LPCAT2: variants seen among roughly 807,000 people sequenced by gnomAD.
The protein encoded by LPCAT2 is lysophosphatidylcholine acyltransferase 2.
LPCAT2 carries 58 observed loss-of-function variants against 64.7 expected under a neutral mutation model. The ratio of observed to expected loss-of-function variants is 0.90; its 90% confidence interval spans 0.73 to 1.12. LPCAT2 has a LOEUF of 1.12. Among genes scored for constraint, LPCAT2 ranks in the 50% most tolerant of loss-of-function variants. The pLI is 0.00. For missense variants in LPCAT2, 579 were observed against 669.8 expected (o/e 0.86, Z 1.50); for synonymous variants, 252 against 245.3 (o/e 1.03, Z -0.26).
In LPCAT2 at chr16:55,581,117, C is replaced by G. The variant is rs183395586; in HGVS notation, c.1451-1797C>G. ...ACAGGACTTCCAGCAATGAGTTACTCTTTAATGCCACTGACATCCCAACAG... is the reference window on the plus strand; with the variant it reads ...ACAGGACTTCCAGCAATGAGTTACTGTTTAATGCCACTGACATCCCAACAG... On this transcript the variant is annotated intron_variant, in intron 13 of 13. Coordinates refer to ENST00000262134, the MANE Select transcript of LPCAT2 (RefSeq NM_017839.5). Among the ~76,000 whole-genome samples, 320 of 152,298 alleles carry G rather than the reference C, an allele frequency of 2.1e-3. 1 individual carries two copies. Among genetic ancestry groups the G allele is most frequent in the African/African-American group, 7.6e-3 (314 of 41,558 alleles).
intron 11 of LPCAT2, among the ~76,000 whole-genome samples, chr16:55,553,214 G>C (rs1316223436): frequency 2.0e-5 from 3 of 151,934 alleles, no homozygotes; most frequent in Non-Finnish European, 4.4e-5. Flanking sequence ...CTCCAGCTGG[G>C]CAACAAGAGC....
At chr16:55,567,489 A>G (rs1261606254) in intron 11 of LPCAT2, 2 of 1,613,050 alleles carry the variant, frequency 1.2e-6, no homozygotes, top group Admixed American at 1.7e-5. Flanking sequence ...GCTGCAGTTG[A>G]CCATGTATTC....
chr16:55,570,647 C>A (rs2142417238), intron 11 of LPCAT2, among the ~76,000 whole-genome samples: 1 of 152,062 alleles, frequency 6.6e-6, no homozygotes, highest in East Asian at 1.9e-4. Flanking sequence ...AAACAACTAC[C>A]CGTATAGTGG....
intron 11 of LPCAT2, among the ~76,000 whole-genome samples, chr16:55,568,414 GA>G (rs1963731868): frequency 6.6e-6 from 1 of 151,822 alleles, no homozygotes; most frequent in South Asian, 2.1e-4. Flanking sequence ...AGCAAACAAA[GA>G]AAAACAAAAA....
intron 4 of LPCAT2, 114 bp downstream of exon 4, chr16:55,530,061 A>G (rs2142380508): frequency 1.6e-6 from 1 of 643,958 alleles, no homozygotes; most frequent in East Asian, 2.9e-5. Context: ...TATACTAGGT[A>G]TTGTTAGCAT....
chr16:55,567,578 A>G, intron 11 of LPCAT2: 4 of 1,445,378 alleles, frequency 2.8e-6, no homozygotes. Flanking sequence ...ACAGTTGCTG[A>G]TACCCTGTGC....
In LPCAT2 at chr16:55,551,118, A is replaced by G. The variant is rs373187502; in HGVS notation, c.1215+16A>G. On this transcript the variant is annotated intron_variant, in intron 11 of 13. Coordinates refer to ENST00000262134, the MANE Select transcript of LPCAT2 (RefSeq NM_017839.5). ...CTTTGACAGGGTATGTTAAAATTTA[A>G]TCTTTCACATTTTTACTCTGTCAGT... The G allele has an allele frequency of 1.9e-5, 31 of 1,598,696 alleles. No homozygotes were observed. The highest frequency in any genetic ancestry group is 1.2e-4 in the Admixed American group (7 of 58,644).
At chr16:55,578,200 T>TCC (rs1466050063) in intron 12 of LPCAT2, among the ~76,000 whole-genome samples, 3 of 152,204 alleles carry the variant, frequency 2.0e-5, no homozygotes, top group African/African-American at 7.2e-5. Flanking sequence ...ACTTTGTGCA[T>TCC]TCTCTACAGA....
chr16:55,556,345 C>G (rs1963574400), intron 11 of LPCAT2, among the ~76,000 whole-genome samples: 1 of 152,128 alleles, frequency 6.6e-6, no homozygotes, highest in Non-Finnish European at 1.5e-5. Flanking sequence ...GGACATGAAA[C>G]AGGGACAAAG....
chr16:55,522,874 T>G (rs1172274783), intron 1 of LPCAT2, among the ~76,000 whole-genome samples: 1 of 151,544 alleles, frequency 6.6e-6, no homozygotes, highest in Non-Finnish European at 1.5e-5. Context: ...GAAAAAAATA[T>G]AGAATATCTT....
intron 1 of LPCAT2, among the ~76,000 whole-genome samples, chr16:55,511,669 A>G (rs1335138280): frequency 6.6e-6 from 1 of 152,242 alleles, no homozygotes; most frequent in African/African-American, 2.4e-5. Context: ...TAATTTGTCA[A>G]TGAGTTAACT....
chr16:55,511,943 T>G (rs1328391375), intron 1 of LPCAT2, among the ~76,000 whole-genome samples: 7 of 152,214 alleles, frequency 4.6e-5, no homozygotes, highest in African/African-American at 1.7e-4. Flanking sequence ...TCTCAGCCAG[T>G]GACCTACCAG....
intron 2 of LPCAT2, among the ~76,000 whole-genome samples, chr16:55,526,753 A>G (rs1343360104): frequency 6.6e-6 from 1 of 152,186 alleles, no homozygotes; most frequent in Non-Finnish European, 1.5e-5. Context: ...TGGCTTATGA[A>G]AACCTAGGAT....
rs58644341 is a variant in LPCAT2, at chr16:55,573,939, G to A, written c.1216-692G>A. Among the ~76,000 whole-genome samples, 881 of 152,210 alleles carry A rather than the reference G, an allele frequency of 5.8e-3. 10 individuals are homozygous for A. Among genetic ancestry groups the A allele is most frequent in the African/African-American group, 0.016 (675 of 41,546 alleles). On this transcript the variant is annotated intron_variant, in intron 11 of 13. Coordinates refer to ENST00000262134, the MANE Select transcript of LPCAT2 (RefSeq NM_017839.5). ...ACAGTTAATGTACAGGGAAAACTCT[G>A]TATTTAGTCAGCCTGAATTACAATA...
chr16:55,527,820 T>G (rs1309424590), intron 2 of LPCAT2, among the ~76,000 whole-genome samples: 1 of 152,224 alleles, frequency 6.6e-6, no homozygotes, highest in Non-Finnish European at 1.5e-5. Context: ...ATCTAAAAAC[T>G]GTAACAATAC....
intron 12 of LPCAT2, among the ~76,000 whole-genome samples, chr16:55,578,063 C>A (rs991864380): frequency 6.6e-6 from 1 of 152,134 alleles, no homozygotes. Flanking sequence ...GAACACACCC[C>A]CTTAGCTTCT....
intron 1 of LPCAT2, among the ~76,000 whole-genome samples, chr16:55,522,549 A>G (rs9922328): frequency 0.48 from 72,376 of 151,418 alleles, 17,993 homozygotes; most frequent in Non-Finnish European, 0.55. Flanking sequence ...AGAAGAATAT[A>G]TGGGCAGACA....
At chr16:55,569,311 G>A (rs981991274) in intron 11 of LPCAT2, among the ~76,000 whole-genome samples, 10 of 152,072 alleles carry the variant, frequency 6.6e-5, no homozygotes, top group African/African-American at 2.2e-4. Context: ...ATTTAACCTT[G>A]GTCTGGTGTG....
chr16:55,509,290 C>T lies in LPCAT2; in HGVS notation c.109C>T (p.Pro37Ser), dbSNP rs1962887160. Residue 37 changes from proline to serine, a missense_variant, in exon 1 of 14, where the codon CCG becomes TCG. Coordinates refer to ENST00000262134, the MANE Select transcript of LPCAT2 (RefSeq NM_017839.5). ...PMVPRQASFF[P>S]PPVPNPFVQQ... ...GGTGCCCCGTCAGGCGTCCTTCTTC[C>T]CGCCGCCGGTGCCGAACCCCTTCGT... 1.3e-6 allele frequency: 2 copies of T among 1,514,044 alleles called. No individual in the cohort carries two copies. The highest frequency in any genetic ancestry group is 1.8e-6 in the Non-Finnish European group (2 of 1,123,768). The allele number at this position is 1,514,044 out of a possible 1,614,324, so 93.8% of individuals were successfully genotyped here. A position where few individuals can be genotyped will look rare whatever the true frequency, so the allele number is the denominator to read the frequency against.
Sources: allele counts gnomAD v4.1 joint callset (sites outside exome capture counted in the v4.1 genomes callset), GRCh38; gene constraint gnomAD v4.1.1; transcripts MANE v1.5; gene names NCBI Gene and HGNC (gene_info 2026-07-23, HGNC 2026-07-21).